Variants in RGS6 observed in about 807,000 individuals in gnomAD.
RGS6 encodes the protein regulator of G protein signaling 6.
RGS6 carries 30 observed loss-of-function variants against 78.5 expected under a neutral mutation model. The ratio of observed to expected loss-of-function variants is 0.38; its 90% CI spans 0.29 to 0.52. The LOEUF (loss-of-function observed/expected upper bound fraction) is 0.52, where lower values mean the gene tolerates loss of function less well. RGS6 is among the 20% of genes least tolerant of loss of function. The probability of loss-of-function intolerance (pLI) is 0.85; values close to 1 mark genes in which losing one functional copy is unlikely to be tolerated. For missense variants in RGS6, 495 were observed against 609.7 expected, an observed-to-expected ratio of 0.81 and a Z score of 1.98; for synonymous variants, 206 against 206.0, an observed-to-expected ratio of 1.00 and a Z score of 0.00.
chr14:72,506,140 AT>A (rs146494272), intron 13 of RGS6, among the ~76,000 whole-genome samples: 2,050 of 152,308 alleles, frequency 0.013, 15 homozygotes, highest in Non-Finnish European at 0.021. Flanking sequence ...TTCTAAACTG[AT>A]TTCATTTTAG....
intron 2 of RGS6, among the ~76,000 whole-genome samples, chr14:72,059,474 T>C (rs1596828593): frequency 6.6e-6 from 1 of 152,188 alleles, no homozygotes. Flanking sequence ...AACTGTGAGG[T>C]ATCCTGGCAC....
At chr14:71,934,550 CATCTT>C (rs1306126317) in intron 1 of RGS6, among the ~76,000 whole-genome samples, 1 of 152,154 alleles carries the variant, frequency 6.6e-6, no homozygotes, top group South Asian at 2.1e-4. Flanking sequence ...GCAATAAATT[CATCTT>C]ATCAAGTGAA....
chr14:72,310,169 G>A (rs975321746), intron 2 of RGS6, among the ~76,000 whole-genome samples: 2 of 152,194 alleles, frequency 1.3e-5, no homozygotes, highest in Non-Finnish European at 2.9e-5. Flanking sequence ...GCAGAGCCAG[G>A]TGCAGGATCT....
At chr14:71,915,797 C>A in the RGS6 span, among the ~76,000 whole-genome samples, 3 of 152,112 alleles carry the variant, frequency 2.0e-5, no homozygotes, top group African/African-American at 7.2e-5. Flanking sequence ...GGAGAGAGGG[C>A]CTTTAAAGAG....
chr14:72,035,414 T>TA lies in RGS6; in HGVS notation c.84+70546dup, dbSNP rs1387731360. ...AGGATTTATCAATTCTATTGGTCTT[T>TA]AAAAAAACTCAATTTTTGTTGTTTT... On this transcript the variant is annotated intron_variant, in intron 2 of 17. Coordinates refer to ENST00000553525, the MANE Select transcript of RGS6 (RefSeq NM_001204424.2). 3.2e-4 allele frequency among the ~76,000 whole-genome samples: 48 copies of TA among 152,252 alleles called. No homozygotes were observed. The East Asian group carries it at 4.6e-3, about 15-fold the overall frequency.
At chr14:72,053,112 CCTTCCT>C in intron 2 of RGS6, among the ~76,000 whole-genome samples, 1 of 84,708 alleles carries the variant, frequency 1.2e-5, no homozygotes, top group Non-Finnish European at 2.4e-5. Context: ...TTCCTTCCTT[CCTTCCT>C]TCCTTCCTTC....
intron 3 of RGS6, among the ~76,000 whole-genome samples, chr14:72,400,687 A>G (rs1471233733): frequency 6.6e-6 from 1 of 152,252 alleles, no homozygotes; most frequent in Non-Finnish European, 1.5e-5. Flanking sequence ...CTATGCATAT[A>G]CATAAGTAGA....
At chr14:72,556,021 G>C (rs2153541918) in intron 17 of RGS6, among the ~76,000 whole-genome samples, 1 of 152,320 alleles carries the variant, frequency 6.6e-6, no homozygotes, top group South Asian at 2.1e-4. Flanking sequence ...AGGCCCATGG[G>C]AGATCAGGGG....
At chr14:72,087,083 G>T (rs760655480) in intron 2 of RGS6, among the ~76,000 whole-genome samples, 68 of 152,072 alleles carry the variant, frequency 4.5e-4, no homozygotes, top group Non-Finnish European at 3.7e-4. Context: ...GAGTATTTTT[G>T]CCTCTTTCAT....
intron 3 of RGS6, among the ~76,000 whole-genome samples, chr14:72,453,376 G>A (rs2095543137): frequency 6.6e-6 from 1 of 151,850 alleles, no homozygotes; most frequent in Non-Finnish European, 1.5e-5. Context: ...AGCACTTTGG[G>A]AGGCCGAGGC....
chr14:72,381,175 G>C (rs1012125829), intron 3 of RGS6, among the ~76,000 whole-genome samples: 2 of 152,004 alleles, frequency 1.3e-5, no homozygotes, highest in Non-Finnish European at 2.9e-5. Context: ...AGGGTAGAGA[G>C]GGGGAGAGAG....
chr14:72,599,369 C>CT, the RGS6 span, among the ~76,000 whole-genome samples: 2 of 113,308 alleles, frequency 1.8e-5, no homozygotes, highest in African/African-American at 7.1e-5. Context: ...TCTGCAATTT[C>CT]TTTTTTTCTT....
intron 2 of RGS6, among the ~76,000 whole-genome samples, chr14:72,267,241 G>A (rs2059213521): frequency 6.6e-6 from 1 of 152,200 alleles, no homozygotes; most frequent in South Asian, 2.1e-4. Flanking sequence ...ATGAGCCACT[G>A]CACCCAGCCA....
At chr14:72,281,583 G>A (rs2061591106) in intron 2 of RGS6, among the ~76,000 whole-genome samples, 1 of 99,142 alleles carries the variant, frequency 1.0e-5, no homozygotes, top group African/African-American at 3.1e-5. Context: ...ATGGGATCGA[G>A]TGATGGAGGA....
chr14:72,610,717 T>C, the RGS6 span, among the ~76,000 whole-genome samples: 5 of 152,114 alleles, frequency 3.3e-5, no homozygotes, highest in African/African-American at 7.2e-5. Flanking sequence ...CAAGGGCAGG[T>C]GGGAGATGGA....
At chr14:72,399,941 G>A (rs1049052043) in intron 3 of RGS6, among the ~76,000 whole-genome samples, 2 of 152,262 alleles carry the variant, frequency 1.3e-5, no homozygotes, top group Admixed American at 6.5e-5. Context: ...CTGGGAGAAT[G>A]GAACCAAGTT....
At chr14:72,604,411 G>A in the RGS6 span, among the ~76,000 whole-genome samples, 5 of 152,212 alleles carry the variant, frequency 3.3e-5, no homozygotes, top group African/African-American at 1.2e-4. Flanking sequence ...GCCTTCTACA[G>A]ATGATCTCCC....
At chr14:71,874,217 G>A in the RGS6 span, among the ~76,000 whole-genome samples, 11 of 151,854 alleles carry the variant, frequency 7.2e-5, no homozygotes, top group African/African-American at 2.4e-4. Flanking sequence ...CATTGAATCT[G>A]TAAATTACCT....
At chr14:72,420,329 A>G (rs1002776012) in intron 3 of RGS6, among the ~76,000 whole-genome samples, 1 of 152,198 alleles carries the variant, frequency 6.6e-6, no homozygotes, top group African/African-American at 2.4e-5. Flanking sequence ...AAGAATAAGC[A>G]CCCACTTTAC....
Sources: gnomAD v4.1 joint callset for allele counts (sites outside exome capture counted in the v4.1 genomes callset) on GRCh38, gnomAD v4.1.1 for gene constraint, MANE v1.5 for transcripts, NCBI Gene and HGNC (gene_info 2026-07-23, HGNC 2026-07-21) for gene names.